Variants in MYO16 observed in about 807,000 individuals in gnomAD.
MYO16 encodes unconventional myosin-XVI.
A neutral mutation model predicts 205.3 loss-of-function variants in MYO16; 94 were observed. The ratio of observed to expected loss-of-function variants is 0.46; its 90% CI spans 0.39 to 0.54. The LOEUF (loss-of-function observed/expected upper bound fraction) is 0.54, where lower values mean the gene tolerates loss of function less well. Among genes scored for constraint, MYO16 ranks in the 20% least tolerant of loss-of-function variants. MYO16 has a pLI of 0.00. For missense variants in MYO16, 2,315 were observed against 2,387.5 expected, an observed-to-expected ratio of 0.97 and a Z score of 0.63; for synonymous variants, 988 against 954.0, an observed-to-expected ratio of 1.04 and a Z score of -0.66.
At chr13:108,933,874 A>G (rs1429593705) in intron 16 of MYO16, among the ~76,000 whole-genome samples, 3 of 152,012 alleles carry the variant, frequency 2.0e-5, no homozygotes, top group Non-Finnish European at 4.4e-5. Flanking sequence ...TTTCTGACTT[A>G]TTTCACTTAG....
At chr13:108,750,758 G>C (rs1885210279) in intron 4 of MYO16, among the ~76,000 whole-genome samples, 1 of 152,106 alleles carries the variant, frequency 6.6e-6, no homozygotes, top group African/African-American at 2.4e-5. Context: ...AGTGAGCTGA[G>C]ATCATGCCAC....
chr13:108,631,298 G>A (rs1332188933), intron 1 of MYO16, among the ~76,000 whole-genome samples: 1 of 152,188 alleles, frequency 6.6e-6, no homozygotes, highest in Non-Finnish European at 1.5e-5. Flanking sequence ...CATGGAGCAT[G>A]GGTGGAAGCA....
chr13:109,005,709 G>A (rs1028798594), intron 21 of MYO16, among the ~76,000 whole-genome samples: 3 of 151,916 alleles, frequency 2.0e-5, no homozygotes, highest in Non-Finnish European at 4.4e-5. Flanking sequence ...CTACACCTAC[G>A]CACAACATTC....
chr13:108,722,031 C>T (rs996044300), intron 3 of MYO16, among the ~76,000 whole-genome samples: 1 of 152,206 alleles, frequency 6.6e-6, no homozygotes, highest in Non-Finnish European at 1.5e-5. Context: ...TCTGATATCA[C>T]TATCTTGAAA....
At chr13:108,627,676 A>T (rs1879796856), upstream of MYO16, among the ~76,000 whole-genome samples, 1 of 152,190 alleles carries the variant, frequency 6.6e-6, no homozygotes, top group South Asian at 2.1e-4. Context: ...GCCTTAAGTT[A>T]TTGAAAAAAG....
the MYO16 span, among the ~76,000 whole-genome samples, chr13:108,535,049 C>T: frequency 2.0e-5 from 3 of 150,062 alleles, no homozygotes; most frequent in African/African-American, 7.4e-5. Flanking sequence ...TCTTCTTCTT[C>T]CTCCTCTTGT....
At chr13:108,564,168 C>T in the MYO16 span, among the ~76,000 whole-genome samples, 2 of 142,398 alleles carry the variant, frequency 1.4e-5, no homozygotes, top group South Asian at 4.7e-4. Context: ...AAATCTATTG[C>T]CTTCTTTTTT....
chr13:108,568,100 C>G, the MYO16 span, among the ~76,000 whole-genome samples: 1 of 152,024 alleles, frequency 6.6e-6, no homozygotes, highest in Non-Finnish European at 1.5e-5. Context: ...ATTTTATTTT[C>G]CATTTATCAG....
chr13:109,149,601 A>G (rs1877539161), intron 32 of MYO16, among the ~76,000 whole-genome samples: 2 of 152,232 alleles, frequency 1.3e-5, no homozygotes, highest in South Asian at 4.1e-4. Context: ...GAAGTTAAAC[A>G]CAAACTCATT....
At chr13:108,941,906 T>C (rs947892292) in intron 16 of MYO16, among the ~76,000 whole-genome samples, 6 of 152,224 alleles carry the variant, frequency 3.9e-5, no homozygotes, top group African/African-American at 1.4e-4. Context: ...CTTTGGTTAC[T>C]ACAGACACAT....
chr13:108,867,325 T>TA (rs2139127791), intron 12 of MYO16, among the ~76,000 whole-genome samples: 1 of 152,196 alleles, frequency 6.6e-6, no homozygotes, highest in East Asian at 1.9e-4. Flanking sequence ...GTGATTGTAT[T>TA]ACTGCACTCC....
intron 23 of MYO16, among the ~76,000 whole-genome samples, chr13:109,032,286 C>A (rs926246021): frequency 6.6e-6 from 1 of 152,188 alleles, no homozygotes; most frequent in Middle Eastern, 3.2e-3. Context: ...ATATCCTTCG[C>A]TATCAAAACC....
At chr13:109,038,597 A>G (rs974693660) in intron 23 of MYO16, among the ~76,000 whole-genome samples, 4 of 152,138 alleles carry the variant, frequency 2.6e-5, no homozygotes, top group Non-Finnish European at 5.9e-5. Context: ...ATGTGAGCCA[A>G]TAACTCAGAC....
the MYO16 span, among the ~76,000 whole-genome samples, chr13:108,533,364 C>A: frequency 6.6e-6 from 1 of 152,166 alleles, no homozygotes; most frequent in Non-Finnish European, 1.5e-5. Flanking sequence ...GTGGGGCTGG[C>A]CCAACCACAT....
Position 108,680,993 on chromosome 13 carries a change from C to G in MYO16, c.292+14844C>G, listed in dbSNP as rs533037826. 7.9e-5 allele frequency among the ~76,000 whole-genome samples: 12 copies of G among 152,338 alleles called. No individual in the cohort carries two copies. The South Asian group carries it at 2.3e-3, about 29-fold the overall frequency. On this transcript the variant is annotated intron_variant, in intron 2 of 34. Coordinates refer to ENST00000457511, the MANE Select transcript of MYO16 (RefSeq NM_001198950.3). ...CAAATGTCCTTCTCATGGTCTTGGT[C>G]TCTTTCATGGGATCATATCCAAATT...
intron 1 of MYO16, among the ~76,000 whole-genome samples, chr13:108,647,198 A>C (rs1448007402): frequency 2.6e-5 from 4 of 152,000 alleles, no homozygotes; most frequent in Non-Finnish European, 5.9e-5. Flanking sequence ...CATCTCTCAA[A>C]GGTTCTTTCT....
chr13:108,598,082 A>G (rs940794620), intron 1 of MYO16, among the ~76,000 whole-genome samples: 1 of 152,176 alleles, frequency 6.6e-6, no homozygotes, highest in Non-Finnish European at 1.5e-5. Flanking sequence ...CACCTTGGAG[A>G]TAGCCGCTTT....
chr13:108,816,961 A>C (rs1422346716), intron 7 of MYO16, among the ~76,000 whole-genome samples: 1 of 152,220 alleles, frequency 6.6e-6, no homozygotes, highest in African/African-American at 2.4e-5. Flanking sequence ...AAGCACATGA[A>C]AGTGTTCAAT....
chr13:108,936,491 A>G (rs1028126733), intron 16 of MYO16, among the ~76,000 whole-genome samples: 10 of 151,750 alleles, frequency 6.6e-5, no homozygotes, highest in Admixed American at 5.9e-4. Context: ...TTTCCTTTAG[A>G]TTTTCTAGTT....
Sources: allele counts gnomAD v4.1 joint callset (sites outside exome capture counted in the v4.1 genomes callset), GRCh38; gene constraint gnomAD v4.1.1; transcripts MANE v1.5; gene names NCBI Gene and HGNC (gene_info 2026-07-23, HGNC 2026-07-21).